Variants in MPRIP observed in about 807,000 individuals in gnomAD.
The protein encoded by MPRIP is myosin phosphatase Rho interacting protein.
MPRIP carries 59 observed loss-of-function variants against 234.9 expected under a neutral mutation model. The observed-to-expected ratio is 0.25, with a 90% CI of 0.20 to 0.31. The LOEUF is 0.31. Ranked by LOEUF, MPRIP falls within the 10% of genes least tolerant of loss-of-function variation. MPRIP has a pLI of 1.00. For missense variants in MPRIP, 2,436 were observed against 3,071.0 expected, an observed-to-expected ratio of 0.79 and a Z score of 4.89; for synonymous variants, 1,144 against 1,263.9, an observed-to-expected ratio of 0.91 and a Z score of 2.01.
At chr17:17,080,865 C>A (rs142205888) in intron 3 of MPRIP, among the ~76,000 whole-genome samples, 1 of 152,326 alleles carries the variant, frequency 6.6e-6, no homozygotes, top group Admixed American at 6.5e-5. Context: ...CAGTGCCAGT[C>A]GTAGAATGGG....
intron 3 of MPRIP, among the ~76,000 whole-genome samples, chr17:17,115,217 C>T (rs1052509295): frequency 3.3e-5 from 5 of 152,340 alleles, no homozygotes; most frequent in Non-Finnish European, 5.9e-5. Context: ...GGGATGGGAG[C>T]GGTAGCTCTG....
intron 1 of MPRIP, among the ~76,000 whole-genome samples, chr17:17,069,591 T>TA (rs1485359811): frequency 6.6e-6 from 1 of 152,110 alleles, no homozygotes; most frequent in Non-Finnish European, 1.5e-5. Context: ...TTTGTATATA[T>TA]TTTTTACTGG....
chr17:17,183,465 C>T (rs1186814719), intron 23 of MPRIP, among the ~76,000 whole-genome samples: 1 of 152,246 alleles, frequency 6.6e-6, no homozygotes, highest in Non-Finnish European at 1.5e-5. Context: ...ATCTGCCCGC[C>T]TCGGCCTCCC....
chr17:17,148,520 A>C (rs780655272), intron 11 of MPRIP, among the ~76,000 whole-genome samples: 1 of 152,234 alleles, frequency 6.6e-6, no homozygotes, highest in Non-Finnish European at 1.5e-5. Context: ...TAATCGTTTT[A>C]AAATAAATAA....
At chr17:17,183,665 C>T (rs1164221230) in intron 23 of MPRIP, among the ~76,000 whole-genome samples, 2 of 151,874 alleles carry the variant, frequency 1.3e-5, no homozygotes, top group Non-Finnish European at 2.9e-5. Context: ...GACAGTGGAG[C>T]TCCCCCTTCC....
intron 23 of MPRIP, chr17:17,181,405 C>G (rs897175080): frequency 2.6e-5 from 4 of 152,426 alleles, no homozygotes; most frequent in African/African-American, 9.7e-5. Flanking sequence ...TCAGGCACAC[C>G]CACAGCACCC....
intron 3 of MPRIP, among the ~76,000 whole-genome samples, chr17:17,097,639 TA>T (rs1432201584): frequency 6.6e-6 from 1 of 152,252 alleles, no homozygotes; most frequent in African/African-American, 2.4e-5. Context: ...TTCAGATTTT[TA>T]CTTTTTTAAT....
intron 3 of MPRIP, among the ~76,000 whole-genome samples, chr17:17,085,938 C>G (rs2089580599): frequency 6.6e-6 from 1 of 152,172 alleles, no homozygotes; most frequent in South Asian, 2.1e-4. Flanking sequence ...ACACACTGAC[C>G]AGACCGGACC....
chr17:17,161,413 G>T lies in MPRIP; in HGVS notation c.2517+57G>T. 3.9e-6 allele frequency: 5 copies of T among 1,294,318 alleles called. No homozygotes were observed. The South Asian group carries it at 6.8e-5, about 18-fold the overall frequency. The allele number at this position is 1,294,318 out of a possible 1,614,324, so 80.2% of individuals were successfully genotyped here. The stretch of plus-strand genomic sequence containing the variant: ...GCGCTCAGGAGCTTCAGTGTGAAGG[G>T]TTCATGCTCAGGCAGGCTAGGAGTG... On this transcript the variant is annotated intron_variant, in intron 15 of 23. Transcript: ENST00000651222.
intron 3 of MPRIP, among the ~76,000 whole-genome samples, chr17:17,112,142 C>T (rs2090185115): frequency 6.6e-6 from 1 of 152,118 alleles, no homozygotes; most frequent in African/African-American, 2.4e-5. Flanking sequence ...AGTGATACAC[C>T]TCATACTTGC....
chr17:17,133,717 G>C (rs1050545544), intron 5 of MPRIP, among the ~76,000 whole-genome samples: 1 of 152,186 alleles, frequency 6.6e-6, no homozygotes, highest in East Asian at 1.9e-4. Flanking sequence ...GCCAAGGATC[G>C]CACTGCGGGA....
chr17:17,137,929 G>C lies in MPRIP; in HGVS notation c.750G>C (p.Met250Ile). The C allele has an allele frequency of 5.6e-6, 9 of 1,607,158 alleles. No homozygotes were observed. The highest frequency in any genetic ancestry group is 7.6e-6 in the Non-Finnish European group (9 of 1,176,794). The change falls in exon 7 of 24, where the codon ATG (methionine) becomes ATC (isoleucine). Residue 250 changes from methionine (M) to isoleucine (I), a missense_variant. By Grantham distance (10) the Met-to-Ile change is conservative (BLOSUM62 1). Around this residue, in one of 4 missense-constraint regions of MPRIP, gnomAD observed 267 missense variants for 252.7 expected, o/e 1.06. Transcript: ENST00000651222. ...TGTCTCTTCCAGAGGAGAGCGCCAT[G>C]AGTAGCGACCGCATGGACTGTGGCC... The part of the protein sequence containing the change: ...GLESKEEESA[M>I]SSDRMDCGRK...
chr17:17,073,769 C>T (rs1211682060), intron 1 of MPRIP, among the ~76,000 whole-genome samples: 3 of 152,154 alleles, frequency 2.0e-5, no homozygotes, highest in Admixed American at 6.5e-5. Context: ...GTTTGCTGGG[C>T]ACAGCTGGAG....
chr17:17,147,166 C>T (rs148533642), intron 10 of MPRIP, among the ~76,000 whole-genome samples, 153 bp from the exon 11 acceptor site: 539 of 152,358 alleles, frequency 3.5e-3, no homozygotes, highest in African/African-American at 0.012. Flanking sequence ...GAGCAGAGTC[C>T]TCTGTATGCT....
chr17:17,137,203 A>G (rs2090719421), intron 6 of MPRIP, among the ~76,000 whole-genome samples: 1 of 152,018 alleles, frequency 6.6e-6, no homozygotes, highest in Non-Finnish European at 1.5e-5. Context: ...GCCCCTTCCC[A>G]CCACCAGAAT....
At chr17:17,171,610 G>A in intron 16 of MPRIP, 108 bp from the exon 17 acceptor site, 1 of 1,425,326 alleles carries the variant, frequency 7.0e-7, no homozygotes, top group Non-Finnish European at 9.5e-7. Context: ...TGAATGCCCA[G>A]TCACAGCTGG....
intron 3 of MPRIP, among the ~76,000 whole-genome samples, chr17:17,115,322 TG>T (rs1385750847): frequency 1.3e-5 from 2 of 152,258 alleles, no homozygotes; most frequent in African/African-American, 4.8e-5. Flanking sequence ...CTGCTTCTTC[TG>T]TGATGGAGGC....
At chr17:17,174,331 T>G (rs1166769435) in intron 19 of MPRIP, among the ~76,000 whole-genome samples, 1 of 152,230 alleles carries the variant, frequency 6.6e-6, no homozygotes, top group Non-Finnish European at 1.5e-5. Context: ...TGCTTACACA[T>G]GACATCACTC....
At chr17:17,046,432 T>C (rs2088354464) in intron 1 of MPRIP, among the ~76,000 whole-genome samples, 2 of 152,208 alleles carry the variant, frequency 1.3e-5, no homozygotes, top group South Asian at 2.1e-4. Context: ...ATAAATAGAA[T>C]GGCTGGGTTG....
Sources: gnomAD v4.1 joint callset for allele counts (sites outside exome capture counted in the v4.1 genomes callset) on GRCh38, gnomAD v4.1.1 for gene constraint, gnomAD v4.1.1 regional missense constraint, MANE v1.5 for transcripts, NCBI Gene and HGNC (gene_info 2026-07-23, HGNC 2026-07-21) for gene names.